Variants in FAM184A observed in about 807,000 individuals in gnomAD.
FAM184A encodes the protein family with sequence similarity 184 member A.
FAM184A carries 99 observed loss-of-function variants against 143.8 expected under a neutral mutation model. The observed-to-expected ratio is 0.69, with a 90% CI of 0.58 to 0.81. The LOEUF is 0.81. FAM184A is among the 40% of genes least tolerant of loss of function. The probability of loss-of-function intolerance (pLI) is 0.00; values close to 1 mark genes in which losing one functional copy is unlikely to be tolerated. For missense variants in FAM184A, 1,217 were observed against 1,310.5 expected, an observed-to-expected ratio of 0.93 and a Z score of 1.10; for synonymous variants, 427 against 446.4, an observed-to-expected ratio of 0.96 and a Z score of 0.55.
At chr6:119,023,823 A>T (rs955789607) in intron 2 of FAM184A, 136 bp downstream of exon 2, 62 of 56,512 alleles carry the variant, frequency 1.1e-3, no homozygotes, top group African/African-American at 3.0e-3. Flanking sequence ...AGGAAAAGTT[A>T]AAAAAAAAAA....
At chr6:119,107,480 G>A (rs1165128025) in intron 1 of FAM184A, among the ~76,000 whole-genome samples, 3 of 152,072 alleles carry the variant, frequency 2.0e-5, no homozygotes, top group Admixed American at 1.3e-4. Context: ...GAGTTCATTC[G>A]GCTGGGCACA....
chr6:119,023,563 C>T lies in FAM184A; in HGVS notation c.1014+396G>A, dbSNP rs77516478. On this transcript the variant is annotated intron_variant, in intron 2 of 17. Coordinates refer to ENST00000338891, the MANE Select transcript of FAM184A (RefSeq NM_024581.6). ...AATTAGCAATATTGTCCGCCCCCCCCCCCAGGAACAGCGTATTACCTCGCT... is the reference window on the plus strand; with the variant it reads ...AATTAGCAATATTGTCCGCCCCCCCTCCCAGGAACAGCGTATTACCTCGCT... 3.8e-4 allele frequency among the ~76,000 whole-genome samples: 42 copies of T among 109,674 alleles called. 1 individual carries two copies. The highest frequency in any genetic ancestry group is 1.2e-3 in the South Asian group (3 of 2,416). 72.0% of individuals were successfully genotyped at this position (109,674 alleles called of 152,430 possible).
chr6:118,974,316 C>G, intron 14 of FAM184A, 112 bp downstream of exon 14: 1 of 1,016,680 alleles, frequency 9.8e-7, no homozygotes, highest in Non-Finnish European at 1.4e-6. Flanking sequence ...CTAAAATTTT[C>G]TTTTTAAAGT....
intron 17 of FAM184A, chr6:118,960,885 G>C: frequency 8.0e-7 from 1 of 1,248,450 alleles, no homozygotes; most frequent in Non-Finnish European, 1.1e-6. Context: ...CATGCACAAG[G>C]GAAAATAAGC....
chr6:119,047,830 C>T (rs1380426936), intron 1 of FAM184A, among the ~76,000 whole-genome samples: 1 of 152,162 alleles, frequency 6.6e-6, no homozygotes, highest in South Asian at 2.1e-4. Flanking sequence ...CCTACTGAAA[C>T]TATTCCATAA....
intron 9 of FAM184A, among the ~76,000 whole-genome samples, chr6:118,999,976 G>C (rs1784696780): frequency 6.6e-6 from 1 of 152,134 alleles, no homozygotes; most frequent in South Asian, 2.1e-4. Context: ...GTAAATTTGT[G>C]AAGTATAAAC....
chr6:119,002,955 C>T lies in FAM184A; in HGVS notation c.2032G>A (p.Glu678Lys). ...CATGAATCTCTTGCTGCATTTTTCTCTCGATCTTTCAACTGCAAAAGTTGA... is the reference window on the plus strand; with the variant it reads ...CATGAATCTCTTGCTGCATTTTTCTTTCGATCTTTCAACTGCAAAAGTTGA... ...MSQLLQLKDREKNAARDSWQK... is the reference protein window; with the variant it reads ...MSQLLQLKDRKKNAARDSWQK... The change falls in exon 9 of 18, where the codon GAG becomes AAG. Residue 678 changes from glutamate to lysine, a missense_variant. By Grantham distance (56) the Glu-to-Lys change is moderately conservative (BLOSUM62 1). Coordinates refer to ENST00000338891, the MANE Select transcript of FAM184A (RefSeq NM_024581.6). The T allele has an allele frequency of 6.2e-7, 1 of 1,612,654 alleles. No individual in the cohort carries two copies.
intron 1 of FAM184A, among the ~76,000 whole-genome samples, chr6:119,120,735 A>G (rs1789187465): frequency 1.3e-5 from 2 of 151,862 alleles, no homozygotes; most frequent in South Asian, 4.2e-4. Flanking sequence ...AGCTGTTTCT[A>G]TTTGAGTGGA....
At chr6:118,979,164 A>G (rs1039962767) in intron 11 of FAM184A, among the ~76,000 whole-genome samples, 1 of 152,204 alleles carries the variant, frequency 6.6e-6, no homozygotes, top group African/African-American at 2.4e-5. Context: ...GCTGGAGTAC[A>G]GAGAGAGCTG....
intron 1 of FAM184A, among the ~76,000 whole-genome samples, chr6:119,032,029 C>T (rs543219113): frequency 1.6e-4 from 24 of 152,176 alleles, no homozygotes; most frequent in African/African-American, 3.6e-4. Context: ...ACCAGCACTT[C>T]GGGAGGCCTA....
At position 119,094,820 on chromosome 6, in the gene FAM184A, G is replaced by A. The variant is rs138757761; in HGVS notation, c.-202+54258C>T. Among the ~76,000 whole-genome samples, 3 of 152,282 alleles carry A rather than the reference G, an allele frequency of 2.0e-5. No homozygotes were observed. In the East Asian group the frequency reaches 5.8e-4, roughly 29 times the overall value. On this transcript the variant is annotated intron_variant, in intron 1 of 16. Coordinates refer to the FAM184A transcript ENST00000352896. ...ACTAATTACCGCAGTGGGCAATTGG[G>A]CTCAAGCCTTCCGAGGATCCTTTGA...
intron 1 of FAM184A, among the ~76,000 whole-genome samples, chr6:119,135,031 G>A (rs150678215): frequency 1.2e-3 from 188 of 152,172 alleles, no homozygotes; most frequent in Middle Eastern, 6.8e-3. Context: ...AAATACTTTC[G>A]TACATATGCA....
At chr6:119,120,445 G>T (rs1435396872) in intron 1 of FAM184A, among the ~76,000 whole-genome samples, 2 of 152,158 alleles carry the variant, frequency 1.3e-5, no homozygotes, top group African/African-American at 2.4e-5. Context: ...CTACTTTGGG[G>T]CTATTATGCT....
intron 1 of FAM184A, among the ~76,000 whole-genome samples, chr6:119,102,356 G>A (rs188525183): frequency 1.4e-4 from 21 of 152,248 alleles, no homozygotes; most frequent in Admixed American, 1.2e-3. Context: ...GACCAATAAG[G>A]CATGAGAAGG....
intron 9 of FAM184A, among the ~76,000 whole-genome samples, chr6:118,989,183 G>T (rs1309647106): frequency 6.6e-6 from 1 of 151,266 alleles, no homozygotes; most frequent in African/African-American, 2.4e-5. Flanking sequence ...GGATGGTCTT[G>T]ATCTCCTGAC....
At chr6:119,099,644 A>G (rs1788592005) in intron 1 of FAM184A, among the ~76,000 whole-genome samples, 1 of 152,078 alleles carries the variant, frequency 6.6e-6, no homozygotes, top group African/African-American at 2.4e-5. Flanking sequence ...TTTTTGCCCA[A>G]TCACATTTCT....
At chr6:119,069,017 T>A (rs757555388) in intron 1 of FAM184A, 23 of 374,738 alleles carry the variant, frequency 6.1e-5, no homozygotes, top group South Asian at 4.8e-4. Context: ...TCCAGTTACA[T>A]TTTCTCAAGT....
At chr6:119,034,039 T>TAGAGAGAG (rs1429011983) in intron 1 of FAM184A, among the ~76,000 whole-genome samples, 3 of 30,276 alleles carry the variant, frequency 9.9e-5, no homozygotes, top group African/African-American at 3.4e-4. Context: ...TATATATATA[T>TAGAGAGAG]ATAGAGAGAG....
At chr6:118,960,649 C>A in intron 17 of FAM184A, 1 of 402,154 alleles carries the variant, frequency 2.5e-6, no homozygotes, top group Non-Finnish European at 4.5e-6. Context: ...GCAAATACTC[C>A]AGGAAAGGGA....
Sources: gnomAD v4.1 joint callset for allele counts (sites outside exome capture counted in the v4.1 genomes callset) on GRCh38, gnomAD v4.1.1 for gene constraint, MANE v1.5 for transcripts, NCBI Gene and HGNC (gene_info 2026-07-23, HGNC 2026-07-21) for gene names.